The following GHR variants were observed in gnomAD, a reference collection of about 807,000 sequenced individuals.
The protein encoded by GHR is GH receptor.
In GHR, 35 loss-of-function variants were observed where a neutral mutation model predicts 67.1. The observed-to-expected ratio is 0.52, with a 90% CI of 0.40 to 0.69. The LOEUF is 0.69. GHR is among the 30% of genes least tolerant of loss of function. The pLI is 0.00. For synonymous variants in GHR, 272 were observed against 269.1 expected (o/e 1.01, Z -0.10); for missense variants, 792 against 764.6 (o/e 1.04, Z -0.42).
chr5:42,708,740 C>G (rs1385260595), intron 6 of GHR, among the ~76,000 whole-genome samples: 1 of 152,146 alleles, frequency 6.6e-6, no homozygotes, highest in African/African-American at 2.4e-5. Context: ...ACTGAGCCAC[C>G]ACTTTGAAAC....
chr5:42,600,037 ATC>A (rs1752289308), intron 2 of GHR, among the ~76,000 whole-genome samples: 1 of 152,198 alleles, frequency 6.6e-6, no homozygotes, highest in East Asian at 1.9e-4. Context: ...CCTGGAGCAT[ATC>A]TCTGTTAGGC....
intron 1 of GHR, chr5:42,467,435 C>T: frequency 4.2e-6 from 4 of 957,988 alleles, no homozygotes; most frequent in Non-Finnish European, 6.7e-6. Flanking sequence ...TTTGAGCTCC[C>T]AGTAAATGTT....
intron 1 of GHR, among the ~76,000 whole-genome samples, chr5:42,481,232 T>C (rs1248150700): frequency 6.6e-6 from 1 of 152,258 alleles, no homozygotes; most frequent in Non-Finnish European, 1.5e-5. Flanking sequence ...CTCTTCTGGC[T>C]TGTAGAGTTT....
chr5:42,698,587 G>T (rs965764806), intron 5 of GHR, among the ~76,000 whole-genome samples: 9 of 152,094 alleles, frequency 5.9e-5, no homozygotes, highest in African/African-American at 1.4e-4. Context: ...CCCACAGAGG[G>T]CAACAGCATG....
At chr5:42,591,455 C>A (rs1053182977) in intron 2 of GHR, among the ~76,000 whole-genome samples, 2 of 152,190 alleles carry the variant, frequency 1.3e-5, no homozygotes, top group Non-Finnish European at 1.5e-5. Flanking sequence ...GTTCTTATAG[C>A]TGCGATTGGA....
chr5:42,622,936 T>C (rs779988488), intron 2 of GHR, among the ~76,000 whole-genome samples: 8 of 152,144 alleles, frequency 5.3e-5, no homozygotes, highest in Non-Finnish European at 8.8e-5. Context: ...AGGGCCTAAA[T>C]GGTCTAGCTG....
intron 1 of GHR, among the ~76,000 whole-genome samples, chr5:42,481,264 G>C (rs1745621086): frequency 6.6e-6 from 1 of 152,218 alleles, no homozygotes; most frequent in African/African-American, 2.4e-5. Context: ...TTAGCTTTTA[G>C]TCTGATGGGC....
At chr5:42,570,306 C>T (rs1041870253) in intron 2 of GHR, among the ~76,000 whole-genome samples, 7 of 152,160 alleles carry the variant, frequency 4.6e-5, no homozygotes, top group African/African-American at 1.7e-4. Flanking sequence ...ATGGTGTGTT[C>T]TAGTGCAATG....
chr5:42,676,557 A>T (rs1297416601), intron 3 of GHR, among the ~76,000 whole-genome samples: 1 of 152,156 alleles, frequency 6.6e-6, no homozygotes, highest in Admixed American at 6.5e-5. Flanking sequence ...GAGTGTTTGC[A>T]GTTTCATAAC....
At chr5:42,517,457 A>G (rs1299522239) in intron 1 of GHR, among the ~76,000 whole-genome samples, 3 of 152,232 alleles carry the variant, frequency 2.0e-5, no homozygotes, top group African/African-American at 7.2e-5. Context: ...GAATGAGTAC[A>G]GTATGAAAAT....
At chr5:42,693,826 T>C (rs186568648) in intron 4 of GHR, among the ~76,000 whole-genome samples, 1 of 152,298 alleles carries the variant, frequency 6.6e-6, no homozygotes, top group East Asian at 1.9e-4. Context: ...CAACCACAGA[T>C]TACATGGTTT....
chr5:42,434,420 G>A (rs898328778), intron 1 of GHR, among the ~76,000 whole-genome samples: 1 of 152,172 alleles, frequency 6.6e-6, no homozygotes, highest in Admixed American at 6.5e-5. Context: ...TCCTATATAA[G>A]AAATTATTGT....
rs565420504 is a variant in GHR, at chr5:42,707,397, C to A, written c.619-3810C>A. Among the ~76,000 whole-genome samples, 8 of 151,440 alleles carry A rather than the reference C, an allele frequency of 5.3e-5. No homozygotes were observed. The South Asian group carries it at 1.3e-3, about 24-fold the overall frequency. ...AATATTAGACAGGTAATGTGATGCC[C>A]CTGGGTTTATTCATTTTAGTTAGGA... On this transcript the variant is annotated intron_variant, in intron 6 of 9. Coordinates refer to ENST00000230882, the MANE Select transcript of GHR (RefSeq NM_000163.5).
chr5:42,711,476 T>C, intron 7 of GHR, 104 bp downstream of exon 7: 1 of 795,822 alleles, frequency 1.3e-6, no homozygotes, highest in South Asian at 1.4e-5. Flanking sequence ...CAAAATATAT[T>C]AACATCAGAT....
intron 7 of GHR, among the ~76,000 whole-genome samples, chr5:42,713,100 G>T (rs1758549654): frequency 6.6e-6 from 1 of 151,930 alleles, no homozygotes; most frequent in African/African-American, 2.4e-5. Flanking sequence ...TTTTACTGAA[G>T]CTGAAACCTT....
chr5:42,596,121 G>A (rs531740548), intron 2 of GHR, among the ~76,000 whole-genome samples: 2 of 152,256 alleles, frequency 1.3e-5, no homozygotes, highest in East Asian at 1.9e-4. Context: ...TCTGTGAATG[G>A]CAGTCATTTT....
chr5:42,482,274 G>T (rs1396514424), intron 1 of GHR, among the ~76,000 whole-genome samples: 1 of 152,120 alleles, frequency 6.6e-6, no homozygotes, highest in Non-Finnish European at 1.5e-5. Flanking sequence ...AGCCGTGTGA[G>T]GTGTCAGTCC....
chr5:42,470,297 T>C (rs1209282701), intron 1 of GHR, among the ~76,000 whole-genome samples: 1 of 140,910 alleles, frequency 7.1e-6, no homozygotes, highest in Non-Finnish European at 1.5e-5. Context: ...GGGTGTGTAT[T>C]TGTGTATACA....
At chr5:42,465,744 G>T in intron 1 of GHR, 1 of 912,974 alleles carries the variant, frequency 1.1e-6, no homozygotes, top group Non-Finnish European at 1.8e-6. Flanking sequence ...TCAAATTCAC[G>T]TTTGCCACGA....
Sources: allele counts gnomAD v4.1 joint callset (sites outside exome capture counted in the v4.1 genomes callset), GRCh38; gene constraint gnomAD v4.1.1; transcripts MANE v1.5; gene names NCBI Gene and HGNC (gene_info 2026-07-23, HGNC 2026-07-21).